MAGI2: variants seen among roughly 807,000 people sequenced by gnomAD.
MAGI2 encodes membrane associated guanylate kinase, WW and PDZ domain containing 2, also known as membrane-associated guanylate kinase, WW and PDZ domain-containing protein 2.
In MAGI2, 35 loss-of-function variants were observed where a neutral mutation model predicts 133.3. The ratio of observed to expected loss-of-function variants is 0.26; its 90% CI spans 0.20 to 0.35. The LOEUF is 0.35. Ranked by LOEUF, MAGI2 falls within the 10% of genes least tolerant of loss-of-function variation. MAGI2 has a pLI of 1.00. For synonymous variants in MAGI2, 729 were observed against 710.6 expected (o/e 1.03, Z -0.41); for missense variants, 1,636 against 1,863.4 (o/e 0.88, Z 2.25).
At chr7:78,737,857 G>A (rs908711463) in intron 2 of MAGI2, among the ~76,000 whole-genome samples, 2 of 151,880 alleles carry the variant, frequency 1.3e-5, no homozygotes, top group African/African-American at 2.4e-5. Context: ...TATTTTTGGG[G>A]TCCTCATAAT....
chr7:78,561,854 C>T (rs1450688210), intron 3 of MAGI2, among the ~76,000 whole-genome samples: 15 of 152,026 alleles, frequency 9.9e-5, no homozygotes, highest in Admixed American at 3.9e-4. Context: ...AGTAAGGGCA[C>T]GAAGGTATAA....
intron 1 of MAGI2, among the ~76,000 whole-genome samples, chr7:79,209,239 C>T (rs184463941): frequency 6.6e-6 from 1 of 151,962 alleles, no homozygotes; most frequent in East Asian, 1.9e-4. Flanking sequence ...ATTTAGTCAT[C>T]CCATAATGTG....
At chr7:79,143,613 A>G (rs1223932390) in intron 1 of MAGI2, among the ~76,000 whole-genome samples, 2 of 152,216 alleles carry the variant, frequency 1.3e-5, no homozygotes, top group Non-Finnish European at 2.9e-5. Flanking sequence ...TTCAAATCCT[A>G]CAACACTTCA....
intron 2 of MAGI2, among the ~76,000 whole-genome samples, chr7:78,827,688 T>A (rs569044022): frequency 4.6e-5 from 7 of 152,206 alleles, no homozygotes; most frequent in African/African-American, 1.7e-4. Context: ...ACACTTACAA[T>A]TTGAGCAACA....
chr7:78,470,771 G>A (rs1791116557), intron 6 of MAGI2, among the ~76,000 whole-genome samples: 1 of 152,076 alleles, frequency 6.6e-6, no homozygotes, highest in Non-Finnish European at 1.5e-5. Flanking sequence ...GAAATGAAAA[G>A]AAAATTCCAA....
rs187653877 is a variant in MAGI2 at position 78,247,877 on chromosome 7, A to G, written c.2047+8066T>C. On this transcript the variant is annotated intron_variant, in intron 10 of 21. Coordinates refer to ENST00000354212, the MANE Select transcript of MAGI2 (RefSeq NM_012301.4). Reference sequence around the variant, plus strand: ...GAGAGTTTCAGAAAAAGAAGTGACAAAGATAGGGACAGAAAGCTTATCTGT... The same window carrying G: ...GAGAGTTTCAGAAAAAGAAGTGACAGAGATAGGGACAGAAAGCTTATCTGT... Among the ~76,000 whole-genome samples, 10 of 152,306 alleles carry G rather than the reference A, an allele frequency of 6.6e-5. No homozygotes were observed. The East Asian group carries it at 1.9e-3, about 29-fold the overall frequency.
At chr7:78,604,015 C>T (rs373311262) in intron 3 of MAGI2, among the ~76,000 whole-genome samples, 36 of 150,968 alleles carry the variant, frequency 2.4e-4, no homozygotes, top group African/African-American at 8.7e-4. Flanking sequence ...ACTAATGAAA[C>T]ATAAAATCAA....
At chr7:79,125,153 G>T in intron 1 of MAGI2, 1 of 326,304 alleles carries the variant, frequency 3.1e-6, no homozygotes, top group Non-Finnish European at 6.0e-6. Flanking sequence ...ACTGACAGAG[G>T]CAGTGGTAAG....
chr7:78,701,624 ACC>A (rs1818083297), intron 2 of MAGI2, among the ~76,000 whole-genome samples: 2 of 151,798 alleles, frequency 1.3e-5, no homozygotes, highest in Admixed American at 1.3e-4. Context: ...AAACAAGCTC[ACC>A]CTGCCTTTTT....
At chr7:78,882,680 C>G (rs1795967983) in intron 2 of MAGI2, among the ~76,000 whole-genome samples, 1 of 152,130 alleles carries the variant, frequency 6.6e-6, no homozygotes, top group South Asian at 2.1e-4. Context: ...AGGCTTTATT[C>G]TGGGATGCAA....
At chr7:78,328,573 CTT>C (rs1015671538) in intron 9 of MAGI2, among the ~76,000 whole-genome samples, 51 of 146,938 alleles carry the variant, frequency 3.5e-4, no homozygotes, top group African/African-American at 1.2e-3. Context: ...TACTTTAACA[CTT>C]TAAAGGCTTT....
chr7:79,118,005 A>C (rs1819556896), intron 1 of MAGI2, among the ~76,000 whole-genome samples: 1 of 152,198 alleles, frequency 6.6e-6, no homozygotes, highest in African/African-American at 2.4e-5. Flanking sequence ...TGTTGTCTCT[A>C]AATTTGAAAA....
At chr7:79,109,786 G>A (rs1818756737) in intron 1 of MAGI2, among the ~76,000 whole-genome samples, 1 of 152,080 alleles carries the variant, frequency 6.6e-6, no homozygotes, top group African/African-American at 2.4e-5. Flanking sequence ...AGATCTTCTA[G>A]GCAGGCTTCT....
intron 6 of MAGI2, among the ~76,000 whole-genome samples, chr7:78,393,272 G>T (rs189469202): frequency 4.2e-4 from 64 of 152,316 alleles, no homozygotes; most frequent in African/African-American, 1.5e-3. Flanking sequence ...CTAGGTTTGG[G>T]CAATCAGACA....
chr7:78,376,847 C>T (rs996893), intron 6 of MAGI2, among the ~76,000 whole-genome samples: 124,101 of 151,974 alleles, frequency 0.82, 50,788 homozygotes, highest in Admixed American at 0.85. Flanking sequence ...AAGAGTCGTC[C>T]TTGGTTTAAG....
chr7:79,168,763 T>C (rs1825193459), intron 1 of MAGI2, among the ~76,000 whole-genome samples: 1 of 151,860 alleles, frequency 6.6e-6, no homozygotes, highest in African/African-American at 2.4e-5. Context: ...TCTTCATAGG[T>C]GATACTGATT....
At position 78,034,598 on chromosome 7, in the gene MAGI2, C is replaced by G. The variant is rs997163379; in HGVS notation, c.3707-14622G>C. Among the ~76,000 whole-genome samples the G allele has an allele frequency of 8.5e-5, 13 of 152,076 alleles. No homozygotes were observed. In the South Asian group the frequency reaches 1.5e-3, roughly 17 times the overall value. ...GCTGGAGTGCAGTAGCGTGATCTTG[C>G]CTCACTGCAACCTCTGCCTCCCGGG... is the stretch of plus-strand genomic sequence containing the variant. On this transcript the variant is annotated intron_variant, in intron 21 of 21. Coordinates refer to ENST00000354212, the MANE Select transcript of MAGI2 (RefSeq NM_012301.4).
At chr7:78,769,272 T>TTA (rs1825339638) in intron 2 of MAGI2, among the ~76,000 whole-genome samples, 3 of 151,456 alleles carry the variant, frequency 2.0e-5, no homozygotes, top group African/African-American at 7.3e-5. Flanking sequence ...TTTTTTTTTT[T>TTA]AACCTGTCAG....
At chr7:79,288,763 G>C (rs1836232916) in intron 1 of MAGI2, among the ~76,000 whole-genome samples, 1 of 152,116 alleles carries the variant, frequency 6.6e-6, no homozygotes, top group Non-Finnish European at 1.5e-5. Flanking sequence ...AGACGGGAAG[G>C]CAACATTATC....
Sources: allele counts gnomAD v4.1 joint callset (sites outside exome capture counted in the v4.1 genomes callset), GRCh38; gene constraint gnomAD v4.1.1; transcripts MANE v1.5; gene names NCBI Gene and HGNC (gene_info 2026-07-23, HGNC 2026-07-21).